The following PKM variants were observed in gnomAD, a reference collection of about 807,000 sequenced individuals.
The protein encoded by PKM is pyruvate kinase M1/2.
A neutral mutation model predicts 49.8 loss-of-function variants in PKM; 18 were observed. The ratio of observed to expected loss-of-function variants is 0.36; its 90% CI spans 0.25 to 0.54. The LOEUF (loss-of-function observed/expected upper bound fraction) is 0.54. Among genes scored for constraint, PKM ranks in the 20% least tolerant of loss-of-function variants. PKM has a pLI of 0.89. For missense variants in PKM, 508 were observed against 713.8 expected (o/e 0.71, Z 3.28); for synonymous variants, 239 against 261.8 (o/e 0.91, Z 0.84).
intron 8 of PKM, chr15:72,204,119 A>G (rs1341517017): frequency 6.6e-6 from 1 of 152,244 alleles, no homozygotes; most frequent in Non-Finnish European, 1.5e-5. Flanking sequence ...AACGGAATGC[A>G]TGCAGCCCAG....
intron 3 of PKM, among the ~76,000 whole-genome samples, chr15:72,211,189 T>A (rs1275197143): frequency 6.6e-6 from 1 of 151,570 alleles, no homozygotes; most frequent in African/African-American, 2.4e-5. Flanking sequence ...CCTCTCAGCC[T>A]CCCGAGTAGC....
chr15:72,219,352 A>G (rs2082462878), intron 1 of PKM: 2 of 449,064 alleles, frequency 4.5e-6, no homozygotes, highest in African/African-American at 3.9e-5. Flanking sequence ...CCCACTCCAC[A>G]TAGTCCCAAG....
chr15:72,203,036 C>T, intron 8 of PKM: 1 of 1,614,160 alleles, frequency 6.2e-7, no homozygotes, highest in Non-Finnish European at 8.5e-7. Context: ...CAGACTCCGT[C>T]AGAACTATCA....
At chr15:72,230,904 T>C (rs1244796702) in intron 1 of PKM, 2 of 1,285,606 alleles carry the variant, frequency 1.6e-6, no homozygotes, top group Admixed American at 2.3e-5. Flanking sequence ...ACCCGCCTGA[T>C]CTGGAAGGAA....
Position 72,199,203 on chromosome 15 carries a change from G to T in PKM, c.*447C>A. 2.8e-6 allele frequency: 1 copy of T among 357,476 alleles called. No homozygotes were observed. The highest frequency in any genetic ancestry group is 2.1e-5 in the South Asian group (1 of 46,960). The allele number at this position is 357,476 out of a possible 1,614,324, so 22.1% of individuals were successfully genotyped here. A position where few individuals can be genotyped will look rare whatever the true frequency, so the allele number is the denominator to read the frequency against. On this transcript the variant is annotated 3_prime_UTR_variant, in exon 11 of 11. Transcript: ENST00000335181. ...GAGGCCTAGAGAGCTAGAGAAGCAA[G>T]TAAGGGCCAGGGCCAGAGTCGGCTT... is the stretch of plus-strand genomic sequence containing the variant.
chr15:72,231,221 C>A (rs569618331), upstream of PKM: 260 of 170,240 alleles, frequency 1.5e-3, 6 homozygotes, highest in South Asian at 0.021. Context: ...TCAAGGTTAT[C>A]CCGCTGCGGG....
At position 72,202,998 on chromosome 15, in the gene PKM, T is replaced by C. The variant is rs202058481; in HGVS notation, c.1141-378A>G. The C allele has an allele frequency of 4.8e-5, 78 of 1,610,662 alleles. No homozygotes were observed. In the East Asian group the frequency reaches 1.7e-3, roughly 36 times the overall value. ...AGCAAGAGGCTGGTTATCCTAACAG[T>C]GTTACCTGCCCTTAGGGCCCTACCT... On this transcript the variant is annotated intron_variant, in intron 8 of 10. Coordinates refer to ENST00000335181, the MANE Select transcript of PKM (RefSeq NM_002654.6). This position sits in a 1 kb window ranked among gnomAD's most constrained non-coding sequence, Gnocchi z 4.5.
chr15:72,212,417 G>C (rs1255716898), intron 3 of PKM, among the ~76,000 whole-genome samples: 1 of 151,884 alleles, frequency 6.6e-6, no homozygotes, highest in Non-Finnish European at 1.5e-5. Context: ...AGAAGTTGCA[G>C]TGAGCCGAGA....
In PKM at chr15:72,202,949, G is replaced by A; in HGVS notation, c.1141-329C>T. 6.8e-7 allele frequency: 1 copy of A among 1,478,930 alleles called. No individual in the cohort carries two copies. The highest frequency in any genetic ancestry group is 9.4e-7 in the Non-Finnish European group (1 of 1,063,234). The allele number at this position is 1,478,930 out of a possible 1,614,324, so 91.6% of individuals were successfully genotyped here. A position where few individuals can be genotyped will look rare whatever the true frequency, so the allele number is the denominator to read the frequency against. ...GTGCCCAGATGCCAGGTTGGGCCTG[G>A]CTGTCTTCTCCTAGAGCAGGTGGAG... On this transcript the variant is annotated intron_variant, in intron 8 of 10. Transcript: ENST00000335181. This position sits in a 1 kb window ranked among gnomAD's most constrained non-coding sequence, Gnocchi z 4.5.
At chr15:72,230,870 C>A in intron 1 of PKM, 1 of 1,219,246 alleles carries the variant, frequency 8.2e-7, no homozygotes, top group Non-Finnish European at 1.1e-6. Flanking sequence ...GGGGGTAGGG[C>A]TGGGGCGGGA....
chr15:72,199,821 T>C (rs565436733), intron 10 of PKM, 65 bp from the exon 11 acceptor site: 2 of 1,038,282 alleles, frequency 1.9e-6, no homozygotes, highest in East Asian at 2.5e-5. Context: ...CCTGGGCAGC[T>C]GCCCCATAGC....
chr15:72,199,900 C>A, intron 10 of PKM, 144 bp from the exon 11 acceptor site: 1 of 699,556 alleles, frequency 1.4e-6, no homozygotes. Flanking sequence ...ACTCACAGCC[C>A]AGGCAAACAG....
rs1224570426 is a variant in PKM, at chr15:72,199,326, T to C, written c.*324A>G. The C allele has an allele frequency of 6.2e-6, 3 of 480,456 alleles. No individual in the cohort carries two copies. The highest frequency in any genetic ancestry group is 4.6e-5 in the East Asian group (1 of 21,572). 29.8% of individuals were successfully genotyped at this position (480,456 alleles called of 1,614,324 possible). A position where few individuals can be genotyped will look rare whatever the true frequency, so the allele number is the denominator to read the frequency against. On this transcript the variant is annotated 3_prime_UTR_variant, in exon 11 of 11. Transcript: ENST00000335181. ...GGGAGTCCTCTGGGCATCCATTTTT[T>C]CTAAAGGAACTGGACAGAGTACACA... is the stretch of plus-strand genomic sequence containing the variant.
At chr15:72,207,018 G>T in intron 7 of PKM, 109 bp downstream of exon 7, 1 of 1,482,970 alleles carries the variant, frequency 6.7e-7, no homozygotes, top group Non-Finnish European at 9.4e-7. Flanking sequence ...GGGATTATCT[G>T]TGTGTTACGT....
rs773312879 is a variant in PKM, at chr15:72,202,625, G to C, written c.1141-5C>G. The C allele has an allele frequency of 6.2e-7, 1 of 1,612,022 alleles. No homozygotes were observed. Among genetic ancestry groups the C allele is most frequent in the Non-Finnish European group, 8.5e-7 (1 of 1,179,064 alleles). Reference sequence around the variant, plus strand: ...AGCCTCTGCCTCACGGGCAATCTAGGGGAGCAACATCCGTCCAGAGGGACG... The same window carrying C: ...AGCCTCTGCCTCACGGGCAATCTAGCGGAGCAACATCCGTCCAGAGGGACG... On this transcript the variant is annotated splice_region_variant and splice_polypyrimidine_tract_variant and intron_variant, in intron 8 of 10. Transcript: ENST00000335181. This position sits in a 1 kb window ranked among gnomAD's most constrained non-coding sequence, Gnocchi z 4.5.
At chr15:72,219,793 T>G (rs918979426) in intron 1 of PKM, among the ~76,000 whole-genome samples, 4 of 152,248 alleles carry the variant, frequency 2.6e-5, no homozygotes, top group African/African-American at 9.6e-5. Flanking sequence ...TCTGAAATTA[T>G]CACAACTACA....
At chr15:72,209,600 A>G (rs2082190647) in intron 5 of PKM, 73 bp downstream of exon 5, 1 of 1,374,114 alleles carries the variant, frequency 7.3e-7, no homozygotes, top group Non-Finnish European at 1.0e-6. Flanking sequence ...CAACCTTCCC[A>G]TCTTCCTTGT....
chr15:72,218,910 G>T (rs371552385), intron 2 of PKM, 34 bp downstream of exon 2: 1 of 1,611,918 alleles, frequency 6.2e-7, no homozygotes, highest in South Asian at 1.1e-5. Context: ...TGCCCATGAA[G>T]CCCTTTTTTG....
Position 72,206,644 on chromosome 15 carries a change from A to G in PKM, c.1140+84T>C, listed in dbSNP as rs2082085898. On this transcript the variant is annotated intron_variant, in intron 8 of 10. Transcript: ENST00000335181. ...AGGCTGTGCATAAGAGGATGGAGAA[A>G]CCTAAAAAGCTCTGCACCAGAGCTT... The G allele has an allele frequency of 8.1e-5, 110 of 1,359,120 alleles. 1 individual carries two copies. The South Asian group carries it at 1.2e-3, about 15-fold the overall frequency. 84.2% of individuals were successfully genotyped at this position (1,359,120 alleles called of 1,614,324 possible). A position where few individuals can be genotyped will look rare whatever the true frequency, so the allele number is the denominator to read the frequency against.
Sources: gnomAD v4.1 joint callset for allele counts (sites outside exome capture counted in the v4.1 genomes callset) on GRCh38, gnomAD v4.1.1 for gene constraint, Gnocchi (gnomAD v3.1) non-coding constraint, MANE v1.5 for transcripts, NCBI Gene and HGNC (gene_info 2026-07-23, HGNC 2026-07-21) for gene names.